The following ZNF728 variants were observed in gnomAD, a reference collection of about 807,000 sequenced individuals.
ZNF728 encodes the protein zinc finger protein 728.
ZNF728 carries 12 observed loss-of-function variants against 12.5 expected under a neutral mutation model. That is an observed-to-expected ratio of 0.96 (90% CI 0.61 to 1.55). The LOEUF (loss-of-function observed/expected upper bound fraction) is 1.55, where lower values mean the gene tolerates loss of function less well. Among genes scored for constraint, ZNF728 ranks in the 40% most tolerant of loss-of-function variants. The pLI is 0.00. For synonymous variants in ZNF728, 205 were observed against 240.7 expected (o/e 0.85, Z 1.37); for missense variants, 692 against 719.2 (o/e 0.96, Z 0.43).
intron 1 of ZNF728, 30 bp downstream of exon 1, chr19:23,002,998 C>T (rs754183096): frequency 3.8e-6 from 6 of 1,587,582 alleles, no homozygotes; most frequent in Non-Finnish European, 5.1e-6. Context: ...GGCTGCCACT[C>T]TCTCGGGATG....
chr19:23,002,236 A>T (rs750271779), intron 1 of ZNF728, among the ~76,000 whole-genome samples: 4 of 152,148 alleles, frequency 2.6e-5, no homozygotes, highest in African/African-American at 7.2e-5. Context: ...AATCGCTTGA[A>T]CCTGGGAGGC....
chr19:22,979,128 C>T lies in ZNF728; in HGVS notation c.227-2018G>A, dbSNP rs569159668. ...CTAAGAACCTTGAAAAGAGGTTAGA[C>T]GAATTGCTAACAGGAAGAACCAGTT... On this transcript the variant is annotated intron_variant, in intron 3 of 3. Transcript: ENST00000594710. Among the ~76,000 whole-genome samples the T allele has an allele frequency of 5.3e-5, 8 of 152,108 alleles. No individual in the cohort carries two copies. The South Asian group carries it at 1.5e-3, about 28-fold the overall frequency.
chr19:22,996,509 C>G (rs1969051394), intron 1 of ZNF728, among the ~76,000 whole-genome samples: 1 of 152,136 alleles, frequency 6.6e-6, no homozygotes, highest in African/African-American at 2.4e-5. Flanking sequence ...CTATATTATT[C>G]TGCATTGCTA....
chr19:23,000,393 CA>C lies in ZNF728; in HGVS notation c.3+2634del, dbSNP rs770794743. Among the ~76,000 whole-genome samples, 103 of 132,446 alleles carry C rather than the reference CA, an allele frequency of 7.8e-4. 1 individual carries two copies. Among genetic ancestry groups the C allele is most frequent in the African/African-American group, 1.7e-3 (61 of 35,902 alleles). The allele number at this position is 132,446 out of a possible 152,430, so 86.9% of individuals were successfully genotyped here. A position where few individuals can be genotyped will look rare whatever the true frequency, so the allele number is the denominator to read the frequency against. On this transcript the variant is annotated intron_variant, in intron 1 of 3. Coordinates refer to ENST00000594710, the MANE Select transcript of ZNF728 (RefSeq NM_001267716.2). ...ACTCTGCCTCAAAAAAACAAAAAAA[CA>C]AAAAAAAAAACACCAGAGAAAACTC... is the stretch of plus-strand genomic sequence containing the variant.
At chr19:22,988,881 G>A (rs1432003594) in intron 1 of ZNF728, among the ~76,000 whole-genome samples, 13 of 151,716 alleles carry the variant, frequency 8.6e-5, no homozygotes, top group African/African-American at 2.9e-4. Flanking sequence ...GAGAAACCAC[G>A]TCTGTACTAA....
rs781712187 is a variant in ZNF728, at chr19:22,976,083, A to G, written c.1254T>C (p.His418=). 9 of 1,612,846 alleles carry G rather than the reference A, an allele frequency of 5.6e-6. No homozygotes were observed. The highest frequency in any genetic ancestry group is 7.6e-6 in the Non-Finnish European group (9 of 1,179,918). Residue 418 remains histidine (H), a synonymous_variant, in exon 4 of 4, where the codon CAT becomes CAC. Coordinates refer to ENST00000594710, the MANE Select transcript of ZNF728 (RefSeq NM_001267716.2). Reference sequence around the variant, plus strand: ...CACATTTGTAGGGTTTCTCTCCAGTATGAATTATCTTATGTTTAGTAAGTG... The same window carrying G: ...CACATTTGTAGGGTTTCTCTCCAGTGTGAATTATCTTATGTTTAGTAAGTG... ...SSTLTKHKII[H]TGEKPYKCEE... is the part of the protein sequence containing the mutation.
chr19:22,981,354 C>T (rs1448411269), intron 3 of ZNF728, among the ~76,000 whole-genome samples: 1 of 152,150 alleles, frequency 6.6e-6, no homozygotes, highest in Non-Finnish European at 1.5e-5. Context: ...CCTGAATAGG[C>T]CAATAACAAG....
Position 22,975,986 on chromosome 19 carries a change from G to A in ZNF728, c.1351C>T (p.His451Tyr), listed in dbSNP as rs763325990. ...TTGCCACATTCTTCACATTTGTAGT[G>A]TTTCTCTCCAGTATGAATTACTTTA... ...KHKVIHTGEK[H>Y]YKCEECGKVF... The change falls in exon 4 of 4, where the codon CAC becomes TAC. Residue 451 changes from histidine (H) to tyrosine (Y), a missense_variant. Transcript: ENST00000594710. 3 of 1,612,636 alleles carry A rather than the reference G, an allele frequency of 1.9e-6. No individual in the cohort carries two copies. Among genetic ancestry groups the A allele is most frequent in the Non-Finnish European group, 1.7e-6 (2 of 1,179,844 alleles).
At position 22,976,458 on chromosome 19, in the gene ZNF728, A is replaced by G; in HGVS notation, c.879T>C (p.Phe293=). ...PYKCEECGKA[F]SKASTLTAHK... ...GTGCAGTAAGGGTTGAGGCCTTACTAAAGGCTTTGCCACATTCTTCACATT... is the reference window on the plus strand; with the variant it reads ...GTGCAGTAAGGGTTGAGGCCTTACTGAAGGCTTTGCCACATTCTTCACATT... The change falls in exon 4 of 4, where the codon TTT becomes TTC. Residue 293 remains phenylalanine, a synonymous_variant. Coordinates refer to ENST00000594710, the MANE Select transcript of ZNF728 (RefSeq NM_001267716.2). 4 of 1,612,062 alleles carry G rather than the reference A, an allele frequency of 2.5e-6. No individual in the cohort carries two copies. Among genetic ancestry groups the G allele is most frequent in the Middle Eastern group, 1.7e-4 (1 of 6,056 alleles).
intron 1 of ZNF728, among the ~76,000 whole-genome samples, chr19:22,988,778 G>A (rs1002433197): frequency 5.9e-5 from 9 of 152,132 alleles, no homozygotes; most frequent in East Asian, 5.8e-4. Flanking sequence ...TGTGCCAGGC[G>A]TGGTGGCTCA....
At chr19:22,983,524 A>C (rs938826043) in intron 3 of ZNF728, among the ~76,000 whole-genome samples, 5 of 152,226 alleles carry the variant, frequency 3.3e-5, no homozygotes, top group African/African-American at 4.8e-5. Context: ...GCTCAAAATT[A>C]TAAATCATTC....
At chr19:22,991,645 G>A (rs1968989214) in intron 1 of ZNF728, among the ~76,000 whole-genome samples, 1 of 152,108 alleles carries the variant, frequency 6.6e-6, no homozygotes, top group South Asian at 2.1e-4. Context: ...CTGCTTTTGG[G>A]TTTCAGAAAA....
intron 1 of ZNF728, chr19:22,995,097 A>AGTCC (rs1240678250): frequency 2.0e-5 from 3 of 152,368 alleles, no homozygotes; most frequent in African/African-American, 7.2e-5. Flanking sequence ...TGGCATGAAA[A>AGTCC]AAATACTGCT....
Position 22,975,838 on chromosome 19 carries a change from C to T in ZNF728, c.1499G>A (p.Arg500Lys). ...GTAGGGTTTCTCTCCAGTATGAATT[C>T]TCTTATGTTCCATAAGGTTTGAGGA... Reference protein sequence around the residue: ...KWSSNLMEHKRIHTGEKPYKC... With the variant: ...KWSSNLMEHKKIHTGEKPYKC... The change falls in exon 4 of 4, where the codon AGA becomes AAA. Residue 500 changes from arginine to lysine, a missense_variant. Coordinates refer to ENST00000594710, the MANE Select transcript of ZNF728 (RefSeq NM_001267716.2). 6.2e-7 allele frequency: 1 copy of T among 1,606,728 alleles called. No individual in the cohort carries two copies. The highest frequency in any genetic ancestry group is 8.5e-7 in the Non-Finnish European group (1 of 1,177,802).
intron 2 of ZNF728, among the ~76,000 whole-genome samples, chr19:22,987,762 T>C (rs1204899479): frequency 6.6e-6 from 1 of 152,200 alleles, no homozygotes; most frequent in African/African-American, 2.4e-5. Context: ...TTTTTTTCTC[T>C]ATGGAAAAAT....
intron 3 of ZNF728, among the ~76,000 whole-genome samples, chr19:22,983,710 C>T (rs1454471000): frequency 6.6e-6 from 1 of 152,094 alleles, no homozygotes; most frequent in Non-Finnish European, 1.5e-5. Context: ...TTTGCAGAGA[C>T]ATGGATAAAG....
intron 3 of ZNF728, chr19:22,985,686 A>T (rs2145340303): frequency 6.6e-6 from 1 of 152,356 alleles, no homozygotes; most frequent in East Asian, 1.9e-4. Context: ...TCCCAGCCAC[A>T]GTCTGTGAGA....
intron 1 of ZNF728, among the ~76,000 whole-genome samples, chr19:22,993,505 T>G (rs1011963014): frequency 1.3e-5 from 2 of 152,234 alleles, no homozygotes; most frequent in Non-Finnish European, 2.9e-5. Flanking sequence ...AGCAGACAGT[T>G]TATTTGGGTC....
intron 1 of ZNF728, among the ~76,000 whole-genome samples, chr19:23,001,400 C>T (rs946576585): frequency 2.0e-5 from 3 of 152,232 alleles, no homozygotes; most frequent in African/African-American, 4.8e-5. Context: ...TCTTGAGAAG[C>T]TACGCTTCAT....
Sources: gnomAD v4.1 joint callset for allele counts (sites outside exome capture counted in the v4.1 genomes callset) on GRCh38, gnomAD v4.1.1 for gene constraint, MANE v1.5 for transcripts, NCBI Gene and HGNC (gene_info 2026-07-23, HGNC 2026-07-21) for gene names.